The following SLC10A7 variants were observed in gnomAD, a reference collection of about 807,000 sequenced individuals.
The protein encoded by SLC10A7 is sodium/bile acid cotransporter 7.
Under a neutral mutation model 43.2 loss-of-function variants are expected in SLC10A7, and 29 were observed. The observed-to-expected ratio is 0.67, with a 90% CI of 0.50 to 0.92. The LOEUF is 0.92. SLC10A7 is among the 40% of genes least tolerant of loss of function. SLC10A7 has a pLI of 0.00. For synonymous variants in SLC10A7, 152 were observed against 144.8 expected (o/e 1.05, Z -0.35); for missense variants, 295 against 403.2 (o/e 0.73, Z 2.30).
At chr4:146,513,822 T>C (rs1255492663) in intron 2 of SLC10A7, 1 of 152,218 alleles carries the variant, frequency 6.6e-6, no homozygotes, top group Non-Finnish European at 1.5e-5. Context: ...TCCAAAATAG[T>C]TATTATTCCA....
At chr4:146,459,370 A>T (rs1732336242) in intron 4 of SLC10A7, among the ~76,000 whole-genome samples, 1 of 151,710 alleles carries the variant, frequency 6.6e-6, no homozygotes, top group African/African-American at 2.4e-5. Context: ...TTATTTATTT[A>T]TTTATTCAGG....
At chr4:146,484,164 C>A (rs1237067047) in intron 4 of SLC10A7, among the ~76,000 whole-genome samples, 1 of 152,234 alleles carries the variant, frequency 6.6e-6, no homozygotes, top group African/African-American at 2.4e-5. Flanking sequence ...GCATCTTGGG[C>A]AACATAGTGA....
intron 6 of SLC10A7, among the ~76,000 whole-genome samples, chr4:146,317,545 G>A (rs1301645762): frequency 3.9e-5 from 6 of 151,990 alleles, no homozygotes; most frequent in Non-Finnish European, 8.8e-5. Flanking sequence ...CATTGTTTTT[G>A]GGTGTATCTG....
intron 5 of SLC10A7, among the ~76,000 whole-genome samples, chr4:146,389,501 T>C (rs961886842): frequency 3.9e-5 from 6 of 152,184 alleles, no homozygotes; most frequent in African/African-American, 1.2e-4. Flanking sequence ...ATAAATGTTT[T>C]TGTTAAAGCC....
intron 5 of SLC10A7, chr4:146,408,618 C>A (rs1727908689): frequency 6.6e-6 from 1 of 152,010 alleles, no homozygotes. Context: ...TCAAGGCCAA[C>A]AACTGACTAC....
chr4:146,476,174 A>G (rs970215178), intron 4 of SLC10A7, among the ~76,000 whole-genome samples: 2 of 152,232 alleles, frequency 1.3e-5, no homozygotes, highest in African/African-American at 4.8e-5. Flanking sequence ...TGAGGAAGGT[A>G]GAGTAAGTAA....
At chr4:146,321,001 A>G (rs1452622076) in intron 6 of SLC10A7, among the ~76,000 whole-genome samples, 2 of 152,092 alleles carry the variant, frequency 1.3e-5, no homozygotes, top group Admixed American at 1.3e-4. Context: ...AAAGGTTAGG[A>G]ATACAGCTGA....
intron 7 of SLC10A7, among the ~76,000 whole-genome samples, chr4:146,301,449 T>C (rs964849989): frequency 2.0e-5 from 3 of 152,120 alleles, no homozygotes; most frequent in African/African-American, 7.2e-5. Flanking sequence ...TGCAAGGAAT[T>C]GGCAACAGGA....
chr4:146,458,989 C>T (rs529010455), intron 4 of SLC10A7, among the ~76,000 whole-genome samples: 5 of 151,474 alleles, frequency 3.3e-5, no homozygotes, highest in South Asian at 2.1e-4. Context: ...AAAAAAACTA[C>T]AAAATAGGAA....
At chr4:146,417,321 T>C (rs1475775278) in intron 5 of SLC10A7, among the ~76,000 whole-genome samples, 1 of 151,820 alleles carries the variant, frequency 6.6e-6, no homozygotes, top group Non-Finnish European at 1.5e-5. Flanking sequence ...ATAACAGACG[T>C]TGGTTTTTAT....
intron 8 of SLC10A7, among the ~76,000 whole-genome samples, chr4:146,293,525 C>T (rs1357519854): frequency 1.3e-5 from 2 of 152,034 alleles, no homozygotes; most frequent in East Asian, 3.8e-4. Context: ...ACCAACGCAG[C>T]CAAGTTATTA....
chr4:146,379,959 C>CTG (rs869182731), intron 5 of SLC10A7, among the ~76,000 whole-genome samples: 1,756 of 80,342 alleles, frequency 0.022, 27 homozygotes, highest in African/African-American at 0.069. Flanking sequence ...CTCTCTCTCT[C>CTG]TGTGTGTGTG....
chr4:146,350,606 T>A (rs1735005051), intron 5 of SLC10A7, among the ~76,000 whole-genome samples: 2 of 135,724 alleles, frequency 1.5e-5, no homozygotes, highest in Admixed American at 1.4e-4. Context: ...AAGACAGCAG[T>A]AACCTCTGCA....
intron 5 of SLC10A7, among the ~76,000 whole-genome samples, chr4:146,429,377 G>A (rs1405919694): frequency 6.6e-6 from 1 of 152,064 alleles, no homozygotes; most frequent in South Asian, 2.1e-4. Context: ...AGCATTCATT[G>A]GGTGATTTCT....
chr4:146,442,533 G>C, intron 5 of SLC10A7: 1 of 1,322,436 alleles, frequency 7.6e-7, no homozygotes, highest in Non-Finnish European at 9.6e-7. Flanking sequence ...GAGACACATA[G>C]TGTTTTAATT....
intron 10 of SLC10A7, among the ~76,000 whole-genome samples, chr4:146,272,910 G>A (rs1324038134): frequency 6.6e-6 from 1 of 152,144 alleles, no homozygotes; most frequent in East Asian, 1.9e-4. Context: ...TCTTCTGGAT[G>A]TGGCAAAGTC....
intron 9 of SLC10A7, among the ~76,000 whole-genome samples, chr4:146,284,659 T>C (rs1052135049): frequency 3.9e-5 from 6 of 152,248 alleles, no homozygotes; most frequent in African/African-American, 1.4e-4. Flanking sequence ...CATGGATGCA[T>C]ATCATATACT....
chr4:146,439,700 G>A (rs780679913), intron 5 of SLC10A7, among the ~76,000 whole-genome samples: 8 of 151,938 alleles, frequency 5.3e-5, no homozygotes, highest in South Asian at 2.1e-4. Context: ...CAGTTTAGGC[G>A]CTATCATTAC....
intron 5 of SLC10A7, among the ~76,000 whole-genome samples, chr4:146,362,669 TAGAC>T (rs1736128500): frequency 6.8e-6 from 1 of 147,586 alleles, no homozygotes; most frequent in Admixed American, 6.8e-5. Flanking sequence ...AATTTGATAA[TAGAC>T]AATATAATAA....
Sources: gnomAD v4.1 joint callset for allele counts (sites outside exome capture counted in the v4.1 genomes callset) on GRCh38, gnomAD v4.1.1 for gene constraint, MANE v1.5 for transcripts, NCBI Gene and HGNC (gene_info 2026-07-23, HGNC 2026-07-21) for gene names.